Variants in ANKAR observed in about 807,000 individuals in gnomAD.
The protein encoded by ANKAR is ankyrin and armadillo repeat containing, also known as ankyrin and armadillo repeat-containing protein.
Under a neutral mutation model 146.2 loss-of-function variants are expected in ANKAR, and 136 were observed. That is an observed-to-expected ratio of 0.93 (90% CI 0.81 to 1.07). The LOEUF (loss-of-function observed/expected upper bound fraction) is 1.07. Ranked by LOEUF, ANKAR falls within the 50% of genes least tolerant of loss-of-function variation. The pLI is 0.00. For missense variants in ANKAR, 1,567 were observed against 1,679.9 expected (o/e 0.93, Z 1.18); for synonymous variants, 500 against 575.8 (o/e 0.87, Z 1.88).
intron 18 of ANKAR, chr2:189,753,941 A>G (rs1277593406): frequency 1.2e-6 from 2 of 1,613,600 alleles, no homozygotes; most frequent in Non-Finnish European, 1.7e-6. Context: ...TTGAGGTAAC[A>G]AGTCTCTCTG....
At chr2:189,687,864 C>T (rs2035841287) in intron 2 of ANKAR, among the ~76,000 whole-genome samples, 1 of 152,058 alleles carries the variant, frequency 6.6e-6, no homozygotes. Flanking sequence ...TTATTAAGCC[C>T]TTGTTGGATA....
At chr2:189,734,098 C>T (rs143676188) in intron 17 of ANKAR, among the ~76,000 whole-genome samples, 280 of 152,296 alleles carry the variant, frequency 1.8e-3, no homozygotes, top group African/African-American at 6.3e-3. Flanking sequence ...GTCTTCTTCA[C>T]TCACCTTCCC....
At chr2:189,755,957 A>G (rs1159941076) in intron 18 of ANKAR, among the ~76,000 whole-genome samples, 1 of 152,234 alleles carries the variant, frequency 6.6e-6, no homozygotes, top group Non-Finnish European at 1.5e-5. Flanking sequence ...TAAAATGATT[A>G]TATCTTAAAC....
At chr2:189,688,526 A>G (rs572725032) in intron 2 of ANKAR, among the ~76,000 whole-genome samples, 2 of 152,272 alleles carry the variant, frequency 1.3e-5, no homozygotes, top group East Asian at 3.9e-4. Flanking sequence ...ATGGATTGCA[A>G]TGAATCTGTA....
intron 21 of ANKAR, 40 bp downstream of exon 21, chr2:189,743,514 G>A (rs780315768): frequency 1.4e-5 from 22 of 1,548,786 alleles, no homozygotes; most frequent in African/African-American, 1.1e-4. Flanking sequence ...TGAAATCATC[G>A]ATAGAGGAGA....
intron 2 of ANKAR, among the ~76,000 whole-genome samples, chr2:189,684,775 C>T (rs533127942): frequency 8.0e-5 from 12 of 149,216 alleles, no homozygotes; most frequent in African/African-American, 2.5e-4. Flanking sequence ...AGGCTGCTGC[C>T]GTGAGCCAAG....
At chr2:189,719,937 A>G in intron 11 of ANKAR, 124 bp downstream of exon 11, 1 of 1,125,130 alleles carries the variant, frequency 8.9e-7, no homozygotes, top group Middle Eastern at 3.1e-4. Context: ...CAGCAGGGAA[A>G]AGGGAGAGAG....
At chr2:189,741,474 T>C in intron 20 of ANKAR, 23 bp downstream of exon 20, 1 of 1,535,382 alleles carries the variant, frequency 6.5e-7, no homozygotes, top group South Asian at 1.2e-5. Flanking sequence ...AAAAACTAAT[T>C]CTAAAATTAA....
chr2:189,696,198 G>A lies in ANKAR; in HGVS notation c.1537G>A (p.Val513Ile). The change falls in exon 7 of 23, where the codon GTT becomes ATT. Residue 513 changes from valine to isoleucine, a missense_variant. Physicochemically the swap from Val to Ile is conservative, Grantham distance 29. Transcript: ENST00000684021. ...CGCTGTTGAAAGAGGGTTGTCTGCAGTTTTCCACACATTTAGCCGTAAAAC... is the reference window on the plus strand; with the variant it reads ...CGCTGTTGAAAGAGGGTTGTCTGCAATTTTCCACACATTTAGCCGTAAAAC... ...KSAVERGLSA[V>I]FHTFSRKTSS... The A allele has an allele frequency of 6.2e-7, 1 of 1,614,080 alleles. No homozygotes were observed. Among genetic ancestry groups the A allele is most frequent in the Non-Finnish European group, 8.5e-7 (1 of 1,180,014 alleles).
rs548741091 is a variant in ANKAR, at chr2:189,713,809, C to T, written c.2224+2656C>T. 9.5e-4 allele frequency among the ~76,000 whole-genome samples: 144 copies of T among 152,248 alleles called. 4 individuals are homozygous for T. In the South Asian group the frequency reaches 0.028, roughly 30 times the overall value. ...GGCTAAATGCCCCAATTAAAAGACA[C>T]GGACTGGCAAATTGGATAAAGAGTC... is the stretch of plus-strand genomic sequence containing the variant. On this transcript the variant is annotated intron_variant, in intron 10 of 22. Coordinates refer to ENST00000684021, the MANE Select transcript of ANKAR (RefSeq NM_001378068.1).
chr2:189,723,762 C>T (rs1205681028), intron 12 of ANKAR, among the ~76,000 whole-genome samples: 1 of 152,114 alleles, frequency 6.6e-6, no homozygotes, highest in Non-Finnish European at 1.5e-5. Context: ...TGCTTTCATC[C>T]AGCATACTCT....
chr2:189,721,403 T>A (rs962050274), intron 12 of ANKAR, among the ~76,000 whole-genome samples: 1 of 152,330 alleles, frequency 6.6e-6, no homozygotes, highest in Middle Eastern at 3.4e-3. Flanking sequence ...TGGATGATTT[T>A]AAAAATACAT....
intron 6 of ANKAR, 152 bp downstream of exon 6, chr2:189,695,313 C>CA (rs1343428174): frequency 1.6e-6 from 1 of 625,334 alleles, no homozygotes; most frequent in African/African-American, 1.8e-5. Context: ...AAAGGCTATA[C>CA]AATTCTGGAT....
intron 4 of ANKAR, 73 bp from the exon 5 acceptor site, chr2:189,693,001 T>C: frequency 1.2e-6 from 1 of 807,874 alleles, no homozygotes; most frequent in Non-Finnish European, 1.9e-6. Flanking sequence ...GTATACTCTT[T>C]CATACAAAGA....
chr2:189,676,674 C>T lies in ANKAR; in HGVS notation c.184C>T (p.Arg62Cys), dbSNP rs370213032. 1.3e-4 allele frequency: 208 copies of T among 1,614,084 alleles called. No homozygotes were observed. Among genetic ancestry groups the T allele is most frequent in the African/African-American group, 8.9e-4 (67 of 75,010 alleles). ...VSWLSAKEDV[R>C]SQVDLPCGIM... ...CTGGTTGTCTGCCAAAGAGGATGTG[C>T]GCTCTCAAGTAGACCTCCCATGTGG... The change falls in exon 2 of 23, where the codon CGC becomes TGC. Residue 62 changes from arginine (R) to cysteine (C), a missense_variant. Transcript: ENST00000684021.
At chr2:189,702,319 C>T (rs919589417) in intron 7 of ANKAR, among the ~76,000 whole-genome samples, 5 of 152,156 alleles carry the variant, frequency 3.3e-5, no homozygotes, top group African/African-American at 1.2e-4. Context: ...CTTGATAAAA[C>T]TCCTAGAGGT....
At chr2:189,754,428 C>A in intron 18 of ANKAR, 1 of 1,301,394 alleles carries the variant, frequency 7.7e-7, no homozygotes. Context: ...TTGAAAATTA[C>A]TAACAAAACA....
rs2043852811 is a variant in ANKAR, at chr2:189,744,990, T to TCTACTACTACTACTACTACTACCACTA, written c.4057+224_4057+225insCACTACTACTACTACTACTACTACTAC. On this transcript the variant is annotated intron_variant, in intron 22 of 22. Coordinates refer to ENST00000684021, the MANE Select transcript of ANKAR (RefSeq NM_001378068.1). ...CTAGCCAATATGGTGAAACCCCATC[T>TCTACTACTACTACTACTACTACCACTA]CTACTACTACTACTACTACTACTAC... Among the ~76,000 whole-genome samples the TCTACTACTACTACTACTACTACCACTA allele has an allele frequency of 1.5e-4, 17 of 112,422 alleles. No homozygotes were observed. In the Admixed American group the frequency reaches 1.6e-3, roughly 11 times the overall value. The allele number at this position is 112,422 out of a possible 152,430, so 73.8% of individuals were successfully genotyped here.
Position 189,728,376 on chromosome 2 carries a change from T to C in ANKAR, c.2987T>C (p.Ile996Thr), listed in dbSNP as rs771959223. ...YMAEQIGYSF[I>T]INMLLSPSAK... ...GCAGAACAAATTGGATACAGCTTTA[T>C]AATAAATATGCTTTTGTCACCATCA... The change falls in exon 14 of 23, where the codon ATA (isoleucine) becomes ACA (threonine). Residue 996 changes from isoleucine (I) to threonine (T), a missense_variant. Ile to Thr is a moderately conservative substitution (Grantham distance 89). Coordinates refer to ENST00000684021, the MANE Select transcript of ANKAR (RefSeq NM_001378068.1). The C allele has an allele frequency of 1.9e-5, 30 of 1,610,428 alleles. 1 individual carries two copies. The South Asian group carries it at 3.2e-4, about 17-fold the overall frequency.
Sources: allele counts gnomAD v4.1 joint callset (sites outside exome capture counted in the v4.1 genomes callset), GRCh38; gene constraint gnomAD v4.1.1; transcripts MANE v1.5; gene names NCBI Gene and HGNC (gene_info 2026-07-23, HGNC 2026-07-21).